The following SLC24A1 variants were observed in gnomAD, a reference collection of about 807,000 sequenced individuals.
SLC24A1 encodes the protein solute carrier family 24 member 1, also known as sodium/potassium/calcium exchanger 1.
Under a neutral mutation model 88.1 loss-of-function variants are expected in SLC24A1, and 52 were observed. The ratio of observed to expected loss-of-function variants is 0.59; its 90% CI spans 0.47 to 0.74. The LOEUF (loss-of-function observed/expected upper bound fraction) is 0.74. Among genes scored for constraint, SLC24A1 ranks in the 30% least tolerant of loss-of-function variants. The pLI is 0.00. For synonymous variants in SLC24A1, 455 were observed against 498.0 expected (o/e 0.91, Z 1.15); for missense variants, 1,173 against 1,363.3 (o/e 0.86, Z 2.20).
chr15:65,628,150 G>T (rs1309056636), intron 2 of SLC24A1, among the ~76,000 whole-genome samples: 1 of 152,090 alleles, frequency 6.6e-6, no homozygotes, highest in African/African-American at 2.4e-5. Context: ...TAGAGATGGG[G>T]ACCTCACCAT....
In SLC24A1 at chr15:65,654,150, C is replaced by G. The variant is rs1455146873; in HGVS notation, c.*71C>G. The G allele has an allele frequency of 6.4e-7, 1 of 1,550,872 alleles. No homozygotes were observed. Among genetic ancestry groups the G allele is most frequent in the African/African-American group, 1.4e-5 (1 of 73,088 alleles). On this transcript the variant is annotated 3_prime_UTR_variant, in exon 10 of 10. Coordinates refer to ENST00000261892, the MANE Select transcript of SLC24A1 (RefSeq NM_004727.3). ...AGAAGTTACTGTATCTCTTGTGACC[C>G]TAATGAAAGAATGTATATGATCCTG...
intron 6 of SLC24A1, among the ~76,000 whole-genome samples, chr15:65,649,174 C>T (rs753757315): frequency 3.3e-5 from 5 of 152,154 alleles, no homozygotes; most frequent in Non-Finnish European, 5.9e-5. Context: ...ACAATCTCAG[C>T]TCACTGCAAC....
Position 65,624,882 on chromosome 15 carries a change from G to A in SLC24A1, c.802G>A (p.Val268Ile), listed in dbSNP as rs757037005. ...TCTGACACATGAGGTAGAAGCAAAC[G>A]TCTTGACTTCTCCAAGGAGCGTCAT... ...TFLTHEVEAN[V>I]LTSPRSVMEK... The change falls in exon 2 of 10, where the codon GTC becomes ATC. Residue 268 changes from valine (V) to isoleucine (I), a missense_variant. Val to Ile is a conservative substitution (Grantham distance 29). Coordinates refer to ENST00000261892, the MANE Select transcript of SLC24A1 (RefSeq NM_004727.3). 6.8e-6 allele frequency: 11 copies of A among 1,613,886 alleles called. No individual in the cohort carries two copies. Among genetic ancestry groups the A allele is most frequent in the East Asian group, 2.2e-5 (1 of 44,900 alleles).
rs2075617585 is a variant in SLC24A1 at position 65,654,703 on chromosome 15, TTTTC to T, written c.*628_*631del. The T allele has an allele frequency of 7.8e-7, 1 of 1,278,882 alleles. No individual in the cohort carries two copies. Among genetic ancestry groups the T allele is most frequent in the Non-Finnish European group, 1.0e-6 (1 of 985,362 alleles). The allele number at this position is 1,278,882 out of a possible 1,614,324, so 79.2% of individuals were successfully genotyped here. A position where few individuals can be genotyped will look rare whatever the true frequency, so the allele number is the denominator to read the frequency against. On this transcript the variant is annotated 3_prime_UTR_variant, in exon 10 of 10. Coordinates refer to ENST00000261892, the MANE Select transcript of SLC24A1 (RefSeq NM_004727.3). The stretch of plus-strand genomic sequence containing the variant: ...CACTGCATCTGGATATATACCAGTA[TTTTC>T]TTTTTTTTTTTTTTTGAGACAGAGT...
Position 65,645,677 on chromosome 15 carries a change from G to A in SLC24A1, c.2206G>A (p.Asp736Asn). The change falls in exon 6 of 10, where the codon GAT (aspartate) becomes AAT (asparagine). Residue 736 changes from aspartate (D) to asparagine (N), a missense_variant. Asp to Asn is a conservative substitution (Grantham distance 23, BLOSUM62 1). Coordinates refer to ENST00000261892, the MANE Select transcript of SLC24A1 (RefSeq NM_004727.3). ...TPAPVPDIKGDQKENPGGQED... is the reference protein window; with the variant it reads ...TPAPVPDIKGNQKENPGGQED... ...AGCCCCTGTTCCAGACATCAAGGGAGATCAGAAGGAGAATCCAGGCGGTCA... is the reference window on the plus strand; with the variant it reads ...AGCCCCTGTTCCAGACATCAAGGGAAATCAGAAGGAGAATCCAGGCGGTCA... The A allele has an allele frequency of 6.3e-7, 1 of 1,578,206 alleles. No homozygotes were observed. Among genetic ancestry groups the A allele is most frequent in the Non-Finnish European group, 8.6e-7 (1 of 1,161,954 alleles).
Position 65,645,698 on chromosome 15 carries a change from G to A in SLC24A1, c.2227G>A (p.Gly743Ser), listed in dbSNP as rs759908366. Residue 743 changes from glycine to serine, a missense_variant, in exon 6 of 10, where the codon GGT becomes AGT. Transcript: ENST00000261892. ...IKGDQKENPG[G>S]QEDVAEAEST... ...GGGAGATCAGAAGGAGAATCCAGGC[G>A]GTCAGGTAGGCACCCAGCCTTGGCA... is the stretch of plus-strand genomic sequence containing the variant. 6.4e-6 allele frequency: 10 copies of A among 1,568,686 alleles called. No individual in the cohort carries two copies. The African/African-American group carries it at 9.5e-5, about 15-fold the overall frequency.
chr15:65,623,895 G>T (rs2074406436), intron 1 of SLC24A1, 60 bp from the exon 2 acceptor site: 14 of 536,206 alleles, frequency 2.6e-5, no homozygotes, highest in Non-Finnish European at 3.9e-5. Context: ...CTATATGAGG[G>T]TGTTATGGAT....
chr15:65,660,271 T>C, downstream of SLC24A1: 1 of 1,534,138 alleles, frequency 6.5e-7, no homozygotes, highest in Non-Finnish European at 8.7e-7. Context: ...CTCTCCATTA[T>C]TTCCCAGAGT....
Position 65,654,128 on chromosome 15 carries a change from AGTTACTG to A in SLC24A1, c.*50_*56del, listed in dbSNP as rs1372666294. ...GGCATGGATCAGAAGACCATGCAGA[AGTTACTG>A]TATCTCTTGTGACCCTAATGAAAGA... On this transcript the variant is annotated 3_prime_UTR_variant, in exon 10 of 10. Coordinates refer to ENST00000261892, the MANE Select transcript of SLC24A1 (RefSeq NM_004727.3). The A allele has an allele frequency of 6.3e-7, 1 of 1,583,092 alleles. No individual in the cohort carries two copies. Among genetic ancestry groups the A allele is most frequent in the Admixed American group, 1.7e-5 (1 of 57,420 alleles).
chr15:65,650,934 C>G lies in SLC24A1; in HGVS notation c.2785C>G (p.Arg929Gly). Residue 929 changes from arginine (R) to glycine (G), a missense_variant, in exon 7 of 10, where the codon CGA becomes GGA. Transcript: ENST00000261892. This position sits in a 1 kb window ranked among gnomAD's most constrained non-coding sequence, Gnocchi z 4.1. Reference protein sequence around the residue: ...FPLWLTVPDVRRQESRKFFVF... With the variant: ...FPLWLTVPDVGRQESRKFFVF... Reference sequence around the variant, plus strand: ...ACTGTGGCTGACAGTCCCCGACGTCCGAAGGCAGGTGAGTGTGCCCATCTG... The same window carrying G: ...ACTGTGGCTGACAGTCCCCGACGTCGGAAGGCAGGTGAGTGTGCCCATCTG... 2 of 1,613,802 alleles carry G rather than the reference C, an allele frequency of 1.2e-6. No individual in the cohort carries two copies. The highest frequency in any genetic ancestry group is 1.7e-6 in the Non-Finnish European group (2 of 1,179,798).
intron 2 of SLC24A1, among the ~76,000 whole-genome samples, chr15:65,628,015 C>T (rs1596312584): frequency 6.6e-6 from 1 of 151,998 alleles, no homozygotes; most frequent in Admixed American, 6.6e-5. Flanking sequence ...GGCTGGAGTG[C>T]ACTGGTGCAC....
At chr15:65,626,738 A>G (rs990511342) in intron 2 of SLC24A1, among the ~76,000 whole-genome samples, 1 of 152,154 alleles carries the variant, frequency 6.6e-6, no homozygotes, top group African/African-American at 2.4e-5. Context: ...CAATAACCTG[A>G]AAGATTATTA....
At chr15:65,647,606 T>TTTC (rs1335897565) in intron 6 of SLC24A1, among the ~76,000 whole-genome samples, 8 of 151,674 alleles carry the variant, frequency 5.3e-5, no homozygotes, top group Admixed American at 5.3e-4. Context: ...ACACAGGAAG[T>TTTC]GGAAGCTACT....
chr15:65,621,647 G>A (rs548041023), upstream of SLC24A1, among the ~76,000 whole-genome samples: 73 of 152,204 alleles, frequency 4.8e-4, no homozygotes, highest in Non-Finnish European at 3.8e-4. Context: ...CTTTCCCTTC[G>A]TTTTCTCAGA....
At chr15:65,656,937 C>T (rs1375508925), downstream of SLC24A1, among the ~76,000 whole-genome samples, 1 of 152,204 alleles carries the variant, frequency 6.6e-6, no homozygotes. Context: ...GTGACATGAA[C>T]ATGGCTCACT....
At chr15:65,647,167 G>A (rs928697074) in intron 6 of SLC24A1, among the ~76,000 whole-genome samples, 1 of 152,146 alleles carries the variant, frequency 6.6e-6, no homozygotes, top group African/African-American at 2.4e-5. Flanking sequence ...ATCAGTGACT[G>A]GTTTCCAGTC....
chr15:65,620,344 T>G (rs1417146024), upstream of SLC24A1, among the ~76,000 whole-genome samples: 1 of 152,102 alleles, frequency 6.6e-6, no homozygotes, highest in Non-Finnish European at 1.5e-5. Flanking sequence ...CTGATTGTGA[T>G]ACCTAAAAGC....
intron 2 of SLC24A1, among the ~76,000 whole-genome samples, chr15:65,632,493 C>T (rs940614129): frequency 1.3e-5 from 2 of 152,046 alleles, no homozygotes; most frequent in African/African-American, 4.8e-5. Flanking sequence ...ATCTGGGAGG[C>T]AGTGGCACAA....
Position 65,655,010 on chromosome 15 carries a change from G to C in SLC24A1, c.*931G>C. 2 of 1,043,264 alleles carry C rather than the reference G, an allele frequency of 1.9e-6. No homozygotes were observed. Among genetic ancestry groups the C allele is most frequent in the South Asian group, 6.0e-5 (2 of 33,134 alleles). The allele number at this position is 1,043,264 out of a possible 1,614,324, so 64.6% of individuals were successfully genotyped here. On this transcript the variant is annotated 3_prime_UTR_variant, in exon 10 of 10. Coordinates refer to ENST00000261892, the MANE Select transcript of SLC24A1 (RefSeq NM_004727.3). ...AAATAAAAATTTATAATTTGCCCTT[G>C]AATTGGAAGGAATGGAGATTAGGGA...
Sources: allele counts gnomAD v4.1 joint callset (sites outside exome capture counted in the v4.1 genomes callset), GRCh38; gene constraint gnomAD v4.1.1; non-coding constraint Gnocchi (gnomAD v3.1); transcripts MANE v1.5; gene names NCBI Gene and HGNC (gene_info 2026-07-23, HGNC 2026-07-21).